Variants in SLC66A3 observed in about 807,000 individuals in gnomAD.
The protein encoded by SLC66A3 is PQ loop repeat containing 3.
In SLC66A3, 23 loss-of-function variants were observed where a neutral mutation model predicts 25.5. That is an observed-to-expected ratio of 0.90 (90% CI 0.65 to 1.28). The LOEUF is 1.28. Ranked by LOEUF, SLC66A3 falls within the 50% of genes most tolerant of loss-of-function variation. The pLI is 0.00. For missense variants in SLC66A3, 246 were observed against 262.1 expected (o/e 0.94, Z 0.42); for synonymous variants, 108 against 112.6 (o/e 0.96, Z 0.26).
At chr2:11,168,785 C>T (rs565264249) in intron 4 of SLC66A3, among the ~76,000 whole-genome samples, 1 of 152,242 alleles carries the variant, frequency 6.6e-6, no homozygotes, top group East Asian at 1.9e-4. Flanking sequence ...TTAGTCCTGC[C>T]ACAGGCCTGA....
chr2:11,176,039 G>A (rs998301186), intron 6 of SLC66A3, among the ~76,000 whole-genome samples: 3 of 152,194 alleles, frequency 2.0e-5, no homozygotes, highest in Admixed American at 1.3e-4. Flanking sequence ...AAGGAAGACA[G>A]GCTTGGGTCT....
rs776096654 is a variant in SLC66A3, at chr2:11,172,032, C to T, written c.462C>T (p.Ser154=). 1.1e-4 allele frequency: 176 copies of T among 1,613,840 alleles called. No individual in the cohort carries two copies. The highest frequency in any genetic ancestry group is 1.4e-4 in the Non-Finnish European group (169 of 1,179,900). ...GTGCGCTGACTTGGAGCCTCTCTTC[C>T]TATACCTGTGCAAGTAAGAACCGGA... is the stretch of plus-strand genomic sequence containing the variant. The part of the protein sequence containing the change: ...TVSALTWSLS[S]YTCATRIITT... Residue 154 remains serine, a synonymous_variant, in exon 5 of 7, where the codon TCC becomes TCT. Transcript: ENST00000295083.
intron 6 of SLC66A3, among the ~76,000 whole-genome samples, chr2:11,177,447 A>G (rs1165276202): frequency 6.6e-6 from 1 of 151,386 alleles, no homozygotes; most frequent in Non-Finnish European, 1.5e-5. Flanking sequence ...TGACAGGGCA[A>G]GACTGTCTCA....
intron 4 of SLC66A3, among the ~76,000 whole-genome samples, chr2:11,166,938 C>T (rs1000788703): frequency 1.3e-5 from 2 of 152,146 alleles, no homozygotes; most frequent in African/African-American, 2.4e-5. Context: ...TGTACTAAAA[C>T]ATTATTTGTT....
At chr2:11,177,697 T>C in intron 6 of SLC66A3, 40 bp from the exon 7 acceptor site, 1 of 1,368,454 alleles carries the variant, frequency 7.3e-7, no homozygotes, top group Non-Finnish European at 1.0e-6. Flanking sequence ...TGGTCTGTAT[T>C]GTAAAGACAG....
At chr2:11,174,112 C>T (rs578058437) in intron 5 of SLC66A3, among the ~76,000 whole-genome samples, 12 of 151,968 alleles carry the variant, frequency 7.9e-5, no homozygotes, top group African/African-American at 2.9e-4. Flanking sequence ...TGCCCGCCAC[C>T]ACACCCAGCT....
At chr2:11,167,502 G>A (rs868756245) in intron 4 of SLC66A3, among the ~76,000 whole-genome samples, 11 of 152,178 alleles carry the variant, frequency 7.2e-5, no homozygotes, top group African/African-American at 1.9e-4. Context: ...CAGCTTTTAG[G>A]TGTTTGTTCT....
Position 11,178,544 on chromosome 2 carries a change from T to A in SLC66A3, c.*716T>A, listed in dbSNP as rs541730458. On this transcript the variant is annotated 3_prime_UTR_variant, in exon 7 of 7. Transcript: ENST00000295083. ...ATTCAAGTACAATGCTGCCATTTTTTAAAGGGCCACAACTATAGAATTACC... is the reference window on the plus strand; with the variant it reads ...ATTCAAGTACAATGCTGCCATTTTTAAAAGGGCCACAACTATAGAATTACC... The A allele has an allele frequency of 1.4e-3, 217 of 152,756 alleles. No individual in the cohort carries two copies. Among genetic ancestry groups the A allele is most frequent in the African/African-American group, 5.1e-3 (213 of 41,576 alleles). 9.5% of individuals were successfully genotyped at this position (152,756 alleles called of 1,614,324 possible).
intron 3 of SLC66A3, 69 bp downstream of exon 3, chr2:11,160,763 G>C (rs1662094234): frequency 1.2e-6 from 2 of 1,608,648 alleles, no homozygotes; most frequent in Non-Finnish European, 1.7e-6. Context: ...GCATTGTGAA[G>C]CAGGCTCCTT....
intron 4 of SLC66A3, 84 bp downstream of exon 4, chr2:11,164,345 A>ATAT: frequency 0.021 from 1,933 of 92,520 alleles, 46 homozygotes; most frequent in African/African-American, 0.034. Context: ...ATATATATAT[A>ATAT]TTTTTTTTTT....
At chr2:11,160,359 C>T (rs1338703229) in intron 1 of SLC66A3, 107 bp from the exon 2 acceptor site, 1 of 878,776 alleles carries the variant, frequency 1.1e-6, no homozygotes, top group African/African-American at 1.6e-5. Flanking sequence ...GTGTCCACAC[C>T]CCCACTGCAA....
At chr2:11,169,440 C>T (rs1275137904) in intron 4 of SLC66A3, among the ~76,000 whole-genome samples, 1 of 152,138 alleles carries the variant, frequency 6.6e-6, no homozygotes, top group South Asian at 2.1e-4. Flanking sequence ...CGCGCCAGAG[C>T]CTGTGGCCAG....
chr2:11,168,591 C>A (rs971079392), intron 4 of SLC66A3, among the ~76,000 whole-genome samples: 1 of 152,074 alleles, frequency 6.6e-6, no homozygotes, highest in African/African-American at 2.4e-5. Flanking sequence ...CATTCCGCAC[C>A]GACTCCTCGC....
chr2:11,175,488 A>G (rs527643325), intron 6 of SLC66A3, among the ~76,000 whole-genome samples: 1 of 152,224 alleles, frequency 6.6e-6, no homozygotes, highest in Non-Finnish European at 1.5e-5. Flanking sequence ...GAAGGTCATG[A>G]GCGAAGGACA....
rs3832137 is a variant in SLC66A3 at position 11,178,098 on chromosome 2, CCCATTTTGAGG to C, written c.*281_*291del. The stretch of plus-strand genomic sequence containing the variant: ...TCACTGTTGGAAGTCATCCAAGAAG[CCCATTTTGAGG>C]CCATTTTGAGCCTTACTCTTAAGTT... On this transcript the variant is annotated 3_prime_UTR_variant, in exon 7 of 7. Coordinates refer to ENST00000295083, the MANE Select transcript of SLC66A3 (RefSeq NM_152391.5). The C allele has an allele frequency of 0.37, 99,684 of 268,368 alleles. 20,816 individuals carry two copies. The highest frequency in any genetic ancestry group is 0.45 in the South Asian group (4,144 of 9,242). 16.6% of individuals were successfully genotyped at this position (268,368 alleles called of 1,614,324 possible).
intron 1 of SLC66A3, among the ~76,000 whole-genome samples, chr2:11,158,339 G>A (rs1299335881): frequency 1.3e-5 from 2 of 150,080 alleles, no homozygotes; most frequent in Non-Finnish European, 2.9e-5. Flanking sequence ...CCAACATGGT[G>A]AAACCCCATC....
Position 11,160,554 on chromosome 2 carries a change from A to G in SLC66A3, c.226+6A>G, listed in dbSNP as rs1382106724. 3.1e-6 allele frequency: 5 copies of G among 1,614,020 alleles called. No homozygotes were observed. In the African/African-American group the frequency reaches 4.0e-5, roughly 13 times the overall value. The stretch of plus-strand genomic sequence containing the variant: ...CCCCATCCTCATCGCGCAAGGTAAC[A>G]GCCCCTTCCCTGTCCAGCGGACTGC... On this transcript the variant is annotated splice_donor_region_variant and intron_variant, in intron 2 of 6. Coordinates refer to ENST00000295083, the MANE Select transcript of SLC66A3 (RefSeq NM_152391.5).
At chr2:11,170,695 T>C (rs552292266) in intron 4 of SLC66A3, among the ~76,000 whole-genome samples, 2 of 151,870 alleles carry the variant, frequency 1.3e-5, no homozygotes, top group East Asian at 3.9e-4. Context: ...TTCAAGGGAT[T>C]CTCCTGCCTC....
At chr2:11,177,406 G>C (rs1234544016) in intron 6 of SLC66A3, among the ~76,000 whole-genome samples, 4 of 150,756 alleles carry the variant, frequency 2.7e-5, no homozygotes, top group African/African-American at 9.8e-5. Flanking sequence ...GTTGCAGTGA[G>C]CCAAGACAGG....
Sources: gnomAD v4.1 joint callset for allele counts (sites outside exome capture counted in the v4.1 genomes callset) on GRCh38, gnomAD v4.1.1 for gene constraint, MANE v1.5 for transcripts, NCBI Gene and HGNC (gene_info 2026-07-23, HGNC 2026-07-21) for gene names.